DISC1: variants seen among roughly 807,000 people sequenced by gnomAD.
DISC1 encodes DISC1 scaffold protein.
A neutral mutation model predicts 84.5 loss-of-function variants in DISC1; 57 were observed. That is an observed-to-expected ratio of 0.67 (90% CI 0.55 to 0.84). The LOEUF is 0.84. Among genes scored for constraint, DISC1 ranks in the 40% least tolerant of loss-of-function variants. The pLI is 0.00. For missense variants in DISC1, 1,000 were observed against 1,057.8 expected, an observed-to-expected ratio of 0.95 and a Z score of 0.76; for synonymous variants, 411 against 415.2, an observed-to-expected ratio of 0.99 and a Z score of 0.12.
intron 10 of DISC1, among the ~76,000 whole-genome samples, chr1:231,960,122 T>C (rs1660181946): frequency 2.0e-5 from 3 of 152,168 alleles, no homozygotes; most frequent in Admixed American, 6.5e-5. Flanking sequence ...TTTGTTTTGT[T>C]TTTTTAGCTA....
In DISC1 at chr1:232,036,875, C is replaced by T; in HGVS notation, c.*44C>T. 6.9e-7 allele frequency: 1 copy of T among 1,457,618 alleles called. No homozygotes were observed. The highest frequency in any genetic ancestry group is 9.2e-7 in the Non-Finnish European group (1 of 1,087,392). The allele number at this position is 1,457,618 out of a possible 1,614,324, so 90.3% of individuals were successfully genotyped here. A position where few individuals can be genotyped will look rare whatever the true frequency, so the allele number is the denominator to read the frequency against. On this transcript the variant is annotated 3_prime_UTR_variant, in exon 13 of 13. Coordinates refer to ENST00000439617, the MANE Select transcript of DISC1 (RefSeq NM_018662.3). ...AGGGAGGTGGGCCACCATGTTTGGA[C>T]CCGGGGGGCTGCTCTTCCCTCCCCC...
In DISC1 at chr1:231,834,264, T is replaced by G. The variant is rs567063131; in HGVS notation, c.1981+15747T>G. ...GAGGAGTGGAGGCCGAGGAAGAATT[T>G]GGACCTAGCTTGGCCTGGTGAGGAG... On this transcript the variant is annotated intron_variant, in intron 9 of 12. Transcript: ENST00000439617. Among the ~76,000 whole-genome samples the G allele has an allele frequency of 5.9e-5, 9 of 152,130 alleles. No individual in the cohort carries two copies. In the East Asian group the frequency reaches 9.7e-4, roughly 16 times the overall value.
chr1:231,903,129 A>G (rs2088325042), intron 9 of DISC1, among the ~76,000 whole-genome samples: 2 of 149,980 alleles, frequency 1.3e-5, no homozygotes, highest in East Asian at 3.9e-4. Context: ...TGGTGCAATC[A>G]TAGCTCACTG....
chr1:231,925,863 C>G (rs190218107), intron 9 of DISC1: 4 of 152,144 alleles, frequency 2.6e-5, no homozygotes, highest in African/African-American at 4.8e-5. Context: ...GAGAGAGGCA[C>G]GGAAAAGATT....
intron 10 of DISC1, among the ~76,000 whole-genome samples, chr1:232,005,362 C>A (rs1667293639): frequency 6.6e-6 from 1 of 152,118 alleles, no homozygotes; most frequent in Non-Finnish European, 1.5e-5. Flanking sequence ...TTTCTTTCAG[C>A]ATTTTAAAGA....
At chr1:231,870,130 T>C (rs1050662812) in intron 9 of DISC1, among the ~76,000 whole-genome samples, 1 of 151,950 alleles carries the variant, frequency 6.6e-6, no homozygotes, top group Admixed American at 6.5e-5. Flanking sequence ...GCTCAGAAGA[T>C]GAGGTTTGAA....
intron 9 of DISC1, among the ~76,000 whole-genome samples, chr1:231,861,688 G>C (rs1343126209): frequency 6.6e-6 from 1 of 152,060 alleles, no homozygotes; most frequent in Non-Finnish European, 1.5e-5. Context: ...TCAATATCAA[G>C]GTCAGACCAC....
chr1:231,907,373 G>A (rs920113478), intron 9 of DISC1, among the ~76,000 whole-genome samples: 2 of 150,614 alleles, frequency 1.3e-5, no homozygotes, highest in African/African-American at 4.9e-5. Context: ...GTGTCCAAGT[G>A]TTCTCATTGT....
rs1382302921 is a variant in DISC1, at chr1:231,970,316, A to G, written c.2042+11428A>G. ...TCTAACTGGTATGAGATGGTATCTC[A>G]TTGTGGTTTTGATTTGCATTTCTCT... On this transcript the variant is annotated intron_variant, in intron 10 of 12. Transcript: ENST00000439617. Among the ~76,000 whole-genome samples, 14 of 152,264 alleles carry G rather than the reference A, an allele frequency of 9.2e-5. No individual in the cohort carries two copies. The East Asian group carries it at 2.5e-3, about 27-fold the overall frequency.
intron 4 of DISC1, among the ~76,000 whole-genome samples, chr1:231,761,102 G>T (rs550538900): frequency 7.8e-4 from 118 of 152,194 alleles, no homozygotes; most frequent in African/African-American, 2.7e-3. Flanking sequence ...ATTATTGATG[G>T]AAAAGGCCAA....
intron 6 of DISC1, among the ~76,000 whole-genome samples, chr1:231,785,088 G>T (rs940732094): frequency 6.6e-6 from 1 of 152,022 alleles, no homozygotes; most frequent in African/African-American, 2.4e-5. Context: ...TCTAAGGAAA[G>T]AAAAAGGCCA....
chr1:231,968,132 T>G (rs565797048), intron 10 of DISC1, among the ~76,000 whole-genome samples: 1 of 152,308 alleles, frequency 6.6e-6, no homozygotes, highest in South Asian at 2.1e-4. Context: ...TAAGAACCCA[T>G]GTAATGAATT....
At position 231,892,614 on chromosome 1, in the gene DISC1, G is replaced by A. The variant is rs375548111; in HGVS notation, c.1982-66214G>A. 3.8e-4 allele frequency among the ~76,000 whole-genome samples: 58 copies of A among 152,050 alleles called. No homozygotes were observed. In the South Asian group the frequency reaches 7.1e-3, roughly 19 times the overall value. On this transcript the variant is annotated intron_variant, in intron 9 of 12. Coordinates refer to ENST00000439617, the MANE Select transcript of DISC1 (RefSeq NM_018662.3). ...AATAAGGTACTAAAACAAGTGAGAC[G>A]TGATCTTCACTCTGATGGAATCCAG...
At chr1:231,790,323 A>G (rs1177659607) in intron 6 of DISC1, among the ~76,000 whole-genome samples, 3 of 152,110 alleles carry the variant, frequency 2.0e-5, no homozygotes, top group Non-Finnish European at 4.4e-5. Context: ...GTAATAAAGT[A>G]CCATGGACAG....
At position 231,767,749 on chromosome 1, in the gene DISC1, C is replaced by T. The variant is rs16854939; in HGVS notation, c.1398+480C>T. 9.6e-3 allele frequency among the ~76,000 whole-genome samples: 1,466 copies of T among 152,288 alleles called. 31 individuals are homozygous for T. Among genetic ancestry groups the T allele is most frequent in the African/African-American group, 0.034 (1,404 of 41,570 alleles). ...AGGCTTGTAGGAATCTCATTACAAA[C>T]GAGGGTTGAAAGCTCAGCAGCATTT... is the stretch of plus-strand genomic sequence containing the variant. On this transcript the variant is annotated intron_variant, in intron 5 of 12. Transcript: ENST00000439617.
chr1:231,952,689 G>GTT (rs35349331), intron 9 of DISC1, among the ~76,000 whole-genome samples: 1 of 121,746 alleles, frequency 8.2e-6, no homozygotes, highest in Non-Finnish European at 1.6e-5. Flanking sequence ...ATATATATAT[G>GTT]TTTATATATA....
chr1:231,975,840 AG>A (rs570823129), intron 10 of DISC1, among the ~76,000 whole-genome samples: 27 of 152,264 alleles, frequency 1.8e-4, no homozygotes, highest in African/African-American at 6.5e-4. Flanking sequence ...AGAGAGTGAG[AG>A]GGGGTGGATG....
chr1:231,860,692 C>T (rs2084579616), intron 9 of DISC1, among the ~76,000 whole-genome samples: 1 of 152,146 alleles, frequency 6.6e-6, no homozygotes, highest in Non-Finnish European at 1.5e-5. Context: ...TCTTTTCTAT[C>T]TTCAGACTTA....
chr1:231,886,484 C>A (rs1237279804), intron 9 of DISC1, among the ~76,000 whole-genome samples: 1 of 152,254 alleles, frequency 6.6e-6, no homozygotes, highest in East Asian at 1.9e-4. Flanking sequence ...CATTTTTTCA[C>A]TCCTCCTTCC....
Sources: gnomAD v4.1 joint callset for allele counts (sites outside exome capture counted in the v4.1 genomes callset) on GRCh38, gnomAD v4.1.1 for gene constraint, MANE v1.5 for transcripts, NCBI Gene and HGNC (gene_info 2026-07-23, HGNC 2026-07-21) for gene names.